PCDHGB6: variants seen among roughly 807,000 people sequenced by gnomAD.
The protein encoded by PCDHGB6 is protocadherin gamma-B6.
Under a neutral mutation model 59.1 loss-of-function variants are expected in PCDHGB6, and 51 were observed. The ratio of observed to expected loss-of-function variants is 0.86; its 90% CI spans 0.69 to 1.09. PCDHGB6 has a LOEUF of 1.09. Among genes scored for constraint, PCDHGB6 ranks in the 50% least tolerant of loss-of-function variants. The pLI is 0.00. For synonymous variants in PCDHGB6, 466 were observed against 495.1 expected (o/e 0.94, Z 0.78); for missense variants, 1,148 against 1,205.1 (o/e 0.95, Z 0.70).
intron 1 of PCDHGB6, among the ~76,000 whole-genome samples, chr5:141,435,478 C>A (rs1279447863): frequency 6.6e-6 from 1 of 152,146 alleles, no homozygotes; most frequent in Non-Finnish European, 1.5e-5. Flanking sequence ...TTAGACATTT[C>A]TTTTGCCCAT....
At position 141,491,899 on chromosome 5, in the gene PCDHGB6, G is replaced by A; in HGVS notation, c.2419-2908G>A. The A allele has an allele frequency of 7.0e-7, 1 of 1,433,322 alleles. No homozygotes were observed. Among genetic ancestry groups the A allele is most frequent in the South Asian group, 1.5e-5 (1 of 67,156 alleles). The allele number at this position is 1,433,322 out of a possible 1,614,324, so 88.8% of individuals were successfully genotyped here. A position where few individuals can be genotyped will look rare whatever the true frequency, so the allele number is the denominator to read the frequency against. On this transcript the variant is annotated intron_variant, in intron 1 of 3. Coordinates refer to ENST00000520790, the MANE Select transcript of PCDHGB6 (RefSeq NM_018926.3). The surrounding 1 kb of genome is among the most constrained non-coding windows in gnomAD (Gnocchi z 6.9). ...TTAAGGGATGGGGCTCCGAGCACCG[G>A]GGGTGGTGGCGACTGTGGGCGAGGG... is the stretch of plus-strand genomic sequence containing the variant.
At chr5:141,500,866 A>G (rs576713520) in intron 2 of PCDHGB6, among the ~76,000 whole-genome samples, 19 of 146,112 alleles carry the variant, frequency 1.3e-4, no homozygotes, top group South Asian at 4.3e-4. Context: ...AAACATACAC[A>G]TTCATTTACA....
In PCDHGB6 at chr5:141,490,701, C is replaced by T; in HGVS notation, c.2419-4106C>T. On this transcript the variant is annotated intron_variant, in intron 1 of 3. Transcript: ENST00000520790. This position sits in a 1 kb window ranked among gnomAD's most constrained non-coding sequence, Gnocchi z 5.4. Reference sequence around the variant, plus strand: ...CAGATCCAGACACTGGGGATAATGCCCGCCTCACCTACTCCATTGTAGGAA... The same window carrying T: ...CAGATCCAGACACTGGGGATAATGCTCGCCTCACCTACTCCATTGTAGGAA... The T allele has an allele frequency of 6.2e-7, 1 of 1,614,184 alleles. No individual in the cohort carries two copies. The highest frequency in any genetic ancestry group is 8.5e-7 in the Non-Finnish European group (1 of 1,180,008).
At chr5:141,497,719 T>C (rs1311566820) in intron 2 of PCDHGB6, among the ~76,000 whole-genome samples, 2 of 152,076 alleles carry the variant, frequency 1.3e-5, no homozygotes, top group Non-Finnish European at 2.9e-5. Context: ...TTTGTATTTT[T>C]AGTAGAGATG....
chr5:141,432,128 T>C lies in PCDHGB6; in HGVS notation c.2418+21508T>C. 3 of 1,614,080 alleles carry C rather than the reference T, an allele frequency of 1.9e-6. No homozygotes were observed. Among genetic ancestry groups the C allele is most frequent in the Non-Finnish European group, 2.5e-6 (3 of 1,180,016 alleles). On this transcript the variant is annotated intron_variant, in intron 1 of 3. Coordinates refer to ENST00000520790, the MANE Select transcript of PCDHGB6 (RefSeq NM_018926.3). This position sits in a 1 kb window ranked among gnomAD's most constrained non-coding sequence, Gnocchi z 6.0. ...CCCGCCGGTCTTCCCTCAGGCCTCC[T>C]ATTCCGCTTATATCCCAGAGAACAA... is the stretch of plus-strand genomic sequence containing the variant.
At chr5:141,422,683 G>A in intron 1 of PCDHGB6, 1 of 1,605,286 alleles carries the variant, frequency 6.2e-7, no homozygotes, top group Non-Finnish European at 8.5e-7. Flanking sequence ...CAAACAGAAT[G>A]CCCTGGTCAC....
chr5:141,414,724 G>A (rs1461729604), intron 1 of PCDHGB6: 48 of 1,614,138 alleles, frequency 3.0e-5, no homozygotes, highest in Non-Finnish European at 3.9e-5. Context: ...AGACACTGGC[G>A]TCCTGTATGC....
At chr5:141,430,404 A>T (rs1054341813) in intron 1 of PCDHGB6, among the ~76,000 whole-genome samples, 2 of 152,000 alleles carry the variant, frequency 1.3e-5, no homozygotes, top group African/African-American at 4.8e-5. Flanking sequence ...AAAGCTCACT[A>T]AAGTTTCTAT....
intron 1 of PCDHGB6, among the ~76,000 whole-genome samples, chr5:141,475,250 A>G (rs941738675): frequency 6.6e-6 from 1 of 152,246 alleles, no homozygotes; most frequent in Non-Finnish European, 1.5e-5. Context: ...AGTGTGCTCT[A>G]CAACTGAGAT....
At chr5:141,418,830 G>T (rs371820904) in intron 1 of PCDHGB6, 44 of 1,613,858 alleles carry the variant, frequency 2.7e-5, no homozygotes, top group Non-Finnish European at 3.6e-5. Flanking sequence ...GCAAAAGACC[G>T]AGGATCTCTC....
intron 1 of PCDHGB6, chr5:141,419,183 A>G (rs1453963573): frequency 1.9e-6 from 3 of 1,613,958 alleles, no homozygotes; most frequent in Non-Finnish European, 1.7e-6. Context: ...AACCCTGCAC[A>G]TTACTGACGT....
intron 3 of PCDHGB6, among the ~76,000 whole-genome samples, chr5:141,509,880 T>C (rs1475661741): frequency 6.6e-6 from 1 of 152,184 alleles, no homozygotes; most frequent in African/African-American, 2.4e-5. Flanking sequence ...CTGGTGGTGA[T>C]GGTGACTGAC....
chr5:141,488,540 A>C (rs901890616), intron 1 of PCDHGB6, among the ~76,000 whole-genome samples: 6 of 152,146 alleles, frequency 3.9e-5, no homozygotes, highest in Admixed American at 2.0e-4. Context: ...GCTAAGTCCC[A>C]TGTCAGCTGA....
intron 1 of PCDHGB6, chr5:141,492,069 C>A (rs1595083522): frequency 2.1e-6 from 1 of 475,880 alleles, no homozygotes; most frequent in East Asian, 3.3e-5. Context: ...GCCTCCTAGG[C>A]GCCGGCTCCG....
intron 1 of PCDHGB6, among the ~76,000 whole-genome samples, chr5:141,472,508 C>T (rs140607073): frequency 0.01 from 1,548 of 151,922 alleles, 35 homozygotes; most frequent in African/African-American, 0.035. Flanking sequence ...CCACTGCACT[C>T]CAGCCTGGGT....
chr5:141,476,317 G>C lies in PCDHGB6; in HGVS notation c.2419-18490G>C, dbSNP rs759809060. The C allele has an allele frequency of 1.2e-6, 2 of 1,614,052 alleles. No homozygotes were observed. The highest frequency in any genetic ancestry group is 2.7e-5 in the African/African-American group (2 of 74,922). ...GTAGCCTCTCAGCCCGCAGGTTCCGGGTGGTGTCTGGAGCTAGCCGAAGAT... is the reference window on the plus strand; with the variant it reads ...GTAGCCTCTCAGCCCGCAGGTTCCGCGTGGTGTCTGGAGCTAGCCGAAGAT... On this transcript the variant is annotated intron_variant, in intron 1 of 3. Coordinates refer to ENST00000520790, the MANE Select transcript of PCDHGB6 (RefSeq NM_018926.3). The surrounding 1 kb of genome is among the most constrained non-coding windows in gnomAD (Gnocchi z 7.6).
At chr5:141,478,675 G>T in intron 1 of PCDHGB6, 1 of 1,551,574 alleles carries the variant, frequency 6.4e-7, no homozygotes, top group Non-Finnish European at 8.7e-7. Flanking sequence ...ACTTTCAACT[G>T]GCCCTTCCTA....
chr5:141,476,770 C>T lies in PCDHGB6; in HGVS notation c.2419-18037C>T, dbSNP rs1452363016. 6.2e-7 allele frequency: 1 copy of T among 1,613,568 alleles called. No homozygotes were observed. The highest frequency in any genetic ancestry group is 8.5e-7 in the Non-Finnish European group (1 of 1,180,020). ...TCCAGTTAGTGCTGACGGCGTTGGA[C>T]GGAGGGACCCCAGCTCTCTCCGCCA... On this transcript the variant is annotated intron_variant, in intron 1 of 3. Coordinates refer to ENST00000520790, the MANE Select transcript of PCDHGB6 (RefSeq NM_018926.3). This position sits in a 1 kb window ranked among gnomAD's most constrained non-coding sequence, Gnocchi z 7.6.
At position 141,511,241 on chromosome 5, in the gene PCDHGB6, C is replaced by T; in HGVS notation, c.*68C>T. On this transcript the variant is annotated 3_prime_UTR_variant, in exon 4 of 4. Transcript: ENST00000520790. ...CCAGCCCAGCTTCTCCTTACCTGCA[C>T]CCAGGCCTCAGAGTTTCAGGGCTAA... The T allele has an allele frequency of 2.5e-6, 4 of 1,585,214 alleles. No individual in the cohort carries two copies. Among genetic ancestry groups the T allele is most frequent in the Non-Finnish European group, 3.4e-6 (4 of 1,165,762 alleles).
Sources: gnomAD v4.1 joint callset for allele counts (sites outside exome capture counted in the v4.1 genomes callset) on GRCh38, gnomAD v4.1.1 for gene constraint, Gnocchi (gnomAD v3.1) non-coding constraint, MANE v1.5 for transcripts, NCBI Gene and HGNC (gene_info 2026-07-23, HGNC 2026-07-21) for gene names.